The following HDAC9 variants were observed in gnomAD, a reference collection of about 807,000 sequenced individuals.
The protein encoded by HDAC9 is histone deacetylase 9, also known as MEF-2 interacting transcription repressor (MITR) protein.
Under a neutral mutation model 139.4 loss-of-function variants are expected in HDAC9, and 41 were observed. The observed-to-expected ratio is 0.29, with a 90% CI of 0.23 to 0.38. HDAC9 has a LOEUF of 0.38. Among genes scored for constraint, HDAC9 ranks in the 10% least tolerant of loss-of-function variants. The pLI is 1.00. For missense variants in HDAC9, 1,147 were observed against 1,297.0 expected (o/e 0.88, Z 1.78); for synonymous variants, 517 against 476.2 (o/e 1.09, Z -1.12).
chr7:18,170,249 A>G lies in HDAC9; in HGVS notation c.25+7900A>G, dbSNP rs186003572. ...TTTTTCGTGTGTCTATTGGCTTCAT[A>G]AAAGTCTTCTTTTGAGAAGTGTCTG... On this transcript the variant is annotated intron_variant, in intron 2 of 12. Coordinates refer to the HDAC9 transcript ENST00000417496. Among the ~76,000 whole-genome samples, 11 of 152,332 alleles carry G rather than the reference A, an allele frequency of 7.2e-5. No homozygotes were observed. The East Asian group carries it at 1.9e-3, about 27-fold the overall frequency.
intron 2 of HDAC9, among the ~76,000 whole-genome samples, chr7:18,234,771 T>C (rs1212212005): frequency 6.6e-6 from 1 of 152,172 alleles, no homozygotes; most frequent in Non-Finnish European, 1.5e-5. Context: ...AATCCCTCCA[T>C]TTGAGAAACC....
At chr7:18,433,367 G>C (rs78878028) in intron 1 of HDAC9, among the ~76,000 whole-genome samples, 6,037 of 152,158 alleles carry the variant, frequency 0.04, 183 homozygotes, top group African/African-American at 0.085. Flanking sequence ...ACTCCTATTT[G>C]ACATACTACT....
intron 24 of HDAC9, among the ~76,000 whole-genome samples, chr7:18,972,320 T>A (rs540078828): frequency 6.6e-6 from 1 of 151,620 alleles, no homozygotes; most frequent in South Asian, 2.1e-4. Flanking sequence ...TAGTGTGGGA[T>A]CTCCAAGCTG....
At chr7:18,483,967 G>A (rs1421871242) in intron 1 of HDAC9, among the ~76,000 whole-genome samples, 1 of 152,022 alleles carries the variant, frequency 6.6e-6, no homozygotes, top group Non-Finnish European at 1.5e-5. Context: ...GATCTACACA[G>A]TTTTGAGATG....
intron 6 of HDAC9, among the ~76,000 whole-genome samples, chr7:18,601,327 C>G (rs1833883246): frequency 6.6e-6 from 1 of 152,112 alleles, no homozygotes; most frequent in Admixed American, 6.6e-5. Flanking sequence ...TCTATCTTGC[C>G]AATTGGTATA....
At chr7:18,640,171 G>C (rs1017296208) in intron 8 of HDAC9, among the ~76,000 whole-genome samples, 3 of 151,334 alleles carry the variant, frequency 2.0e-5, no homozygotes, top group African/African-American at 7.3e-5. Flanking sequence ...GCTGAGGTGG[G>C]AGGATAACTT....
At chr7:18,946,002 A>G (rs1015345604) in intron 23 of HDAC9, among the ~76,000 whole-genome samples, 1 of 128,154 alleles carries the variant, frequency 7.8e-6, no homozygotes, top group Non-Finnish European at 1.6e-5. Flanking sequence ...GCACCACTGC[A>G]CTCCAGCCTG....
chr7:18,139,283 G>A (rs906000968), intron 1 of HDAC9, among the ~76,000 whole-genome samples: 1 of 151,762 alleles, frequency 6.6e-6, no homozygotes, highest in Non-Finnish European at 1.5e-5. Context: ...GTGTCACCAC[G>A]ACTGGCTAAT....
intron 1 of HDAC9, among the ~76,000 whole-genome samples, chr7:18,106,557 A>T (rs1024878808): frequency 1.6e-4 from 25 of 151,836 alleles, no homozygotes; most frequent in African/African-American, 6.1e-4. Flanking sequence ...GGTTCAAGTG[A>T]TTCTCCTGCC....
intron 17 of HDAC9, chr7:18,808,000 T>C (rs1585073194): frequency 6.6e-6 from 1 of 152,340 alleles, no homozygotes; most frequent in East Asian, 1.9e-4. Flanking sequence ...TTGTGGATGA[T>C]CTATATTCTG....
At chr7:18,222,423 C>T (rs1792768417) in intron 2 of HDAC9, among the ~76,000 whole-genome samples, 2 of 152,102 alleles carry the variant, frequency 1.3e-5, no homozygotes, top group South Asian at 4.1e-4. Flanking sequence ...GAAACTAAAA[C>T]TAGGAAAGTA....
chr7:18,412,580 G>C (rs531412328), intron 1 of HDAC9, among the ~76,000 whole-genome samples: 178 of 152,276 alleles, frequency 1.2e-3, no homozygotes, highest in Admixed American at 3.3e-3. Flanking sequence ...TGAGGATCCG[G>C]CAGTTCAGAT....
At chr7:18,307,988 A>ACT (rs1799043751) in intron 1 of HDAC9, among the ~76,000 whole-genome samples, 1 of 152,250 alleles carries the variant, frequency 6.6e-6, no homozygotes, top group African/African-American at 2.4e-5. Flanking sequence ...AAATGAAAAT[A>ACT]CTTGGAAGCT....
rs1057273018 is a variant in HDAC9 at position 18,899,258 on chromosome 7, A to G, written c.2803+24662A>G. The G allele has an allele frequency of 2.6e-5, 4 of 152,020 alleles. 1 individual carries two copies. Among genetic ancestry groups the G allele is most frequent in the Admixed American group, 2.6e-4 (4 of 15,226 alleles). The allele number at this position is 152,020 out of a possible 1,614,324, so 9.4% of individuals were successfully genotyped here. A position where few individuals can be genotyped will look rare whatever the true frequency, so the allele number is the denominator to read the frequency against. On this transcript the variant is annotated intron_variant, in intron 22 of 25. Coordinates refer to ENST00000686413, the MANE Select transcript of HDAC9 (RefSeq NM_178425.4). ...ACTTTTCTTGTAGTGCTTAGATTTGAAGTGAGCTCCTATGTGGTAACTAGT... is the reference window on the plus strand; with the variant it reads ...ACTTTTCTTGTAGTGCTTAGATTTGGAGTGAGCTCCTATGTGGTAACTAGT...
Position 18,863,307 on chromosome 7 carries a change from G to T in HDAC9, c.2685-11171G>T, listed in dbSNP as rs536658617. Among the ~76,000 whole-genome samples, 14 of 152,318 alleles carry T rather than the reference G, an allele frequency of 9.2e-5. No individual in the cohort carries two copies. The South Asian group carries it at 2.9e-3, about 32-fold the overall frequency. On this transcript the variant is annotated intron_variant, in intron 21 of 25. Transcript: ENST00000686413. Reference sequence around the variant, plus strand: ...ACTATTTATTGAGTATCCACCATGTGCTAGACTTTAGCTTGTCCAACCCAT... The same window carrying T: ...ACTATTTATTGAGTATCCACCATGTTCTAGACTTTAGCTTGTCCAACCCAT...
intron 17 of HDAC9, among the ~76,000 whole-genome samples, chr7:18,823,762 T>G (rs1210079365): frequency 6.6e-6 from 1 of 151,942 alleles, no homozygotes; most frequent in Non-Finnish European, 1.5e-5. Context: ...AGTGATCACT[T>G]GAGCTCAGGA....
chr7:18,748,797 CG>C (rs1163356874), intron 13 of HDAC9, among the ~76,000 whole-genome samples: 3 of 152,134 alleles, frequency 2.0e-5, no homozygotes, highest in Admixed American at 1.3e-4. Flanking sequence ...CTGGTTAATG[CG>C]TAAGTTCGTG....
At chr7:18,528,339 C>T (rs1399722646) in intron 2 of HDAC9, among the ~76,000 whole-genome samples, 1 of 149,806 alleles carries the variant, frequency 6.7e-6, no homozygotes, top group African/African-American at 2.5e-5. Flanking sequence ...ATGAGAAATA[C>T]TAATATAGCA....
intron 2 of HDAC9, among the ~76,000 whole-genome samples, chr7:18,537,347 G>T (rs1187751503): frequency 6.6e-6 from 1 of 152,246 alleles, no homozygotes; most frequent in East Asian, 1.9e-4. Context: ...GTTTGGAAAA[G>T]GAATAAGAGA....
Sources: allele counts gnomAD v4.1 joint callset (sites outside exome capture counted in the v4.1 genomes callset), GRCh38; gene constraint gnomAD v4.1.1; transcripts MANE v1.5; gene names NCBI Gene and HGNC (gene_info 2026-07-23, HGNC 2026-07-21).